The following WNT9B variants were observed in gnomAD, a reference collection of about 807,000 sequenced individuals.
The protein encoded by WNT9B is Wnt family member 9B, also known as protein Wnt-9b.
A neutral mutation model predicts 30.2 loss-of-function variants in WNT9B; 12 were observed. The ratio of observed to expected loss-of-function variants is 0.40; its 90% CI spans 0.26 to 0.64. The LOEUF (loss-of-function observed/expected upper bound fraction) is 0.64, where lower values mean the gene tolerates loss of function less well. Ranked by LOEUF, WNT9B falls within the 30% of genes least tolerant of loss-of-function variation. WNT9B has a pLI of 0.42. For missense variants in WNT9B, 442 were observed against 485.2 expected (o/e 0.91, Z 0.84); for synonymous variants, 218 against 216.9 (o/e 1.01, Z -0.05).
At chr17:46,866,571 G>A (rs991956067) in intron 1 of WNT9B, among the ~76,000 whole-genome samples, 1 of 152,090 alleles carries the variant, frequency 6.6e-6, no homozygotes, top group Non-Finnish European at 1.5e-5. Flanking sequence ...CCATGCAAAT[G>A]GCCTTGCAGC....
At chr17:46,836,807 C>G (rs534484114) in intron 1 of WNT9B, among the ~76,000 whole-genome samples, 26 of 152,208 alleles carry the variant, frequency 1.7e-4, no homozygotes, top group African/African-American at 5.8e-4. Flanking sequence ...AAGTATGCTG[C>G]TTAGTAACTC....
chr17:46,884,257 T>G (rs1324747054), downstream of WNT9B, among the ~76,000 whole-genome samples: 1 of 152,198 alleles, frequency 6.6e-6, no homozygotes, highest in African/African-American at 2.4e-5. Flanking sequence ...GCTGACACAT[T>G]TTAATTCAGA....
At position 46,876,933 on chromosome 17, in the gene WNT9B, C is replaced by T. The variant is rs1432723785; in HGVS notation, c.*215C>T. Reference sequence around the variant, plus strand: ...GAGAAGCAAAGCCTCCTCCCTTAACCCAAGCATCCCCAACCTTGTTGAGGA... The same window carrying T: ...GAGAAGCAAAGCCTCCTCCCTTAACTCAAGCATCCCCAACCTTGTTGAGGA... On this transcript the variant is annotated 3_prime_UTR_variant, in exon 4 of 4. Transcript: ENST00000290015. 7.5e-7 allele frequency: 1 copy of T among 1,335,630 alleles called. No homozygotes were observed. Among genetic ancestry groups the T allele is most frequent in the East Asian group, 2.7e-5 (1 of 36,614 alleles). The allele number at this position is 1,335,630 out of a possible 1,614,324, so 82.7% of individuals were successfully genotyped here.
At chr17:46,863,497 A>G (rs2085077937) in intron 1 of WNT9B, among the ~76,000 whole-genome samples, 1 of 152,194 alleles carries the variant, frequency 6.6e-6, no homozygotes, top group Non-Finnish European at 1.5e-5. Flanking sequence ...TGATGGTACT[A>G]TATATACAAA....
Position 46,875,275 on chromosome 17 carries a change from C to A in WNT9B, c.509C>A (p.Thr170Asn). The change falls in exon 3 of 4, where the codon ACC becomes AAC. Residue 170 changes from threonine to asparagine, a missense_variant. Thr to Asn is a moderately conservative substitution (Grantham distance 65). Coordinates refer to ENST00000290015, the MANE Select transcript of WNT9B (RefSeq NM_003396.3). ...TGCGGTGACAACCTCAAGTACAGCA[C>A]CAAGTTTCTGAGCAACTTCCTGGGG... ...GVCGDNLKYS[T>N]KFLSNFLGSK... 1 of 1,614,200 alleles carries A rather than the reference C, an allele frequency of 6.2e-7. No homozygotes were observed. Among genetic ancestry groups the A allele is most frequent in the Non-Finnish European group, 8.5e-7 (1 of 1,180,032 alleles).
rs989299288 is a variant in WNT9B at position 46,840,016 on chromosome 17, TTTC to T, written c.95+6579_95+6581del. On this transcript the variant is annotated intron_variant, in intron 1 of 2. Coordinates refer to the WNT9B transcript ENST00000575372. The stretch of plus-strand genomic sequence containing the variant: ...TTTTTCTTTCTTCTTTCTTTCTTTC[TTTC>T]TTTCTTTCTTTCTTTTCTTTCTTTC... Among the ~76,000 whole-genome samples, 62 of 100,004 alleles carry T rather than the reference TTTC, an allele frequency of 6.2e-4. No homozygotes were observed. The East Asian group carries it at 0.014, about 22-fold the overall frequency. 65.6% of individuals were successfully genotyped at this position (100,004 alleles called of 152,430 possible).
chr17:46,873,631 G>T (rs2085293249), intron 2 of WNT9B, among the ~76,000 whole-genome samples: 1 of 152,072 alleles, frequency 6.6e-6, no homozygotes, highest in African/African-American at 2.4e-5. Context: ...GGCCGAAGCG[G>T]GTGGATCACT....
Position 46,862,238 on chromosome 17 carries a change from AT to A in WNT9B, c.78-10278del, listed in dbSNP as rs2085053162. On this transcript the variant is annotated intron_variant, in intron 1 of 3. Transcript: ENST00000290015. Reference sequence around the variant, plus strand: ...ATAGGAGGTAGGGGAGGCAGAACAAATAAACTTAAAAAATAAAAATTAAAAA... The same window carrying A: ...ATAGGAGGTAGGGGAGGCAGAACAAAAAACTTAAAAAATAAAAATTAAAAA... Among the ~76,000 whole-genome samples, 4 of 152,210 alleles carry A rather than the reference AT, an allele frequency of 2.6e-5. No homozygotes were observed. In the South Asian group the frequency reaches 8.3e-4, roughly 32 times the overall value.
At chr17:46,866,513 G>A (rs1401877845) in intron 1 of WNT9B, among the ~76,000 whole-genome samples, 4 of 151,998 alleles carry the variant, frequency 2.6e-5, no homozygotes, top group African/African-American at 4.8e-5. Context: ...TGAGGGCCAG[G>A]AGAGGTAGAC....
rs539284021 is a variant in WNT9B at position 46,879,969 on chromosome 17, C to A, written c.*3251C>A. Among the ~76,000 whole-genome samples the A allele has an allele frequency of 1.3e-5, 2 of 152,346 alleles. No individual in the cohort carries two copies. Among genetic ancestry groups the A allele is most frequent in the African/African-American group, 2.4e-5 (1 of 41,584 alleles). On this transcript the variant is annotated 3_prime_UTR_variant, in exon 4 of 4. Coordinates refer to ENST00000290015, the MANE Select transcript of WNT9B (RefSeq NM_003396.3). Reference sequence around the variant, plus strand: ...GAAGCTTGGGCTACACCACTGGGCCCCTCCCAACCTACAGATGAATTTTGA... The same window carrying A: ...GAAGCTTGGGCTACACCACTGGGCCACTCCCAACCTACAGATGAATTTTGA...
chr17:46,880,754 C>A (rs2085412540), downstream of WNT9B, among the ~76,000 whole-genome samples: 1 of 152,086 alleles, frequency 6.6e-6, no homozygotes, highest in African/African-American at 2.4e-5. Context: ...ATAGGTCGGG[C>A]AGGGATGGAT....
chr17:46,867,767 G>A (rs2085164556), intron 1 of WNT9B, among the ~76,000 whole-genome samples: 1 of 152,162 alleles, frequency 6.6e-6, no homozygotes, highest in Middle Eastern at 3.2e-3. Flanking sequence ...GAGATCTGAG[G>A]GTGAGAGTGT....
At chr17:46,873,511 G>A (rs959117770) in intron 2 of WNT9B, among the ~76,000 whole-genome samples, 1 of 152,128 alleles carries the variant, frequency 6.6e-6, no homozygotes, top group Non-Finnish European at 1.5e-5. Flanking sequence ...ACACAGCTCC[G>A]GGTGGGTCTC....
At chr17:46,857,850 A>G (rs2084965601) in intron 1 of WNT9B, among the ~76,000 whole-genome samples, 1 of 152,230 alleles carries the variant, frequency 6.6e-6, no homozygotes, top group South Asian at 2.1e-4. Flanking sequence ...CCATGTGTAT[A>G]TTGGTCATTT....
intron 1 of WNT9B, among the ~76,000 whole-genome samples, chr17:46,866,642 C>A (rs529425287): frequency 6.6e-6 from 1 of 152,176 alleles, no homozygotes; most frequent in East Asian, 1.9e-4. Context: ...GCACCCCGGG[C>A]AGCACAAGGC....
Position 46,878,681 on chromosome 17 carries a change from G to A in WNT9B, c.*1963G>A, listed in dbSNP as rs115908012. ...CCTCCACCCAGGCTCAGTGCTGGGC[G>A]TAAGGCAGCAGGGACCTCACTGGCA... On this transcript the variant is annotated 3_prime_UTR_variant, in exon 4 of 4. Transcript: ENST00000290015. Among the ~76,000 whole-genome samples, 316 of 152,204 alleles carry A rather than the reference G, an allele frequency of 2.1e-3. 3 individuals are homozygous for A. Among genetic ancestry groups the A allele is most frequent in the African/African-American group, 7.4e-3 (307 of 41,530 alleles).
chr17:46,836,401 A>G (rs28575366), intron 1 of WNT9B, among the ~76,000 whole-genome samples: 18,871 of 152,020 alleles, frequency 0.12, 1,508 homozygotes, highest in East Asian at 0.39. Flanking sequence ...AGGAAAGTGG[A>G]GATGGTTCTT....
intron 1 of WNT9B, among the ~76,000 whole-genome samples, chr17:46,858,583 G>T (rs1205118767): frequency 6.6e-6 from 1 of 151,986 alleles, no homozygotes; most frequent in Non-Finnish European, 1.5e-5. Flanking sequence ...TTCTGTTGGT[G>T]GTGATAAAAA....
At chr17:46,863,078 G>T (rs62071987) in intron 1 of WNT9B, among the ~76,000 whole-genome samples, 28,817 of 152,034 alleles carry the variant, frequency 0.19, 3,919 homozygotes, top group African/African-American at 0.37. Context: ...TCTGGCACTG[G>T]GGAGAGCATA....
Sources: gnomAD v4.1 joint callset for allele counts (sites outside exome capture counted in the v4.1 genomes callset) on GRCh38, gnomAD v4.1.1 for gene constraint, MANE v1.5 for transcripts, NCBI Gene and HGNC (gene_info 2026-07-23, HGNC 2026-07-21) for gene names.